The following ASTN2 variants were observed in gnomAD, a reference collection of about 807,000 sequenced individuals.
ASTN2 encodes the protein astrotactin 2.
Under a neutral mutation model 139.8 loss-of-function variants are expected in ASTN2, and 54 were observed. That is an observed-to-expected ratio of 0.39 (90% CI 0.31 to 0.48). The LOEUF (loss-of-function observed/expected upper bound fraction) is 0.48. Ranked by LOEUF, ASTN2 falls within the 20% of genes least tolerant of loss-of-function variation. ASTN2 has a pLI of 0.95. For synonymous variants in ASTN2, 756 were observed against 719.5 expected (o/e 1.05, Z -0.81); for missense variants, 1,565 against 1,725.1 (o/e 0.91, Z 1.64).
intron 10 of ASTN2, among the ~76,000 whole-genome samples, chr9:116,867,122 AGAG>A (rs1468950375): frequency 2.0e-5 from 3 of 152,144 alleles, no homozygotes; most frequent in South Asian, 2.1e-4. Flanking sequence ...AAAGGCAAAT[AGAG>A]GAGAGAAAGG....
chr9:117,191,532 T>A (rs983935385), intron 3 of ASTN2, among the ~76,000 whole-genome samples: 1 of 152,228 alleles, frequency 6.6e-6, no homozygotes, highest in African/African-American at 2.4e-5. Flanking sequence ...AAATAAGGAC[T>A]GATCATACTT....
chr9:116,618,611 T>C lies in ASTN2; in HGVS notation c.3207-139A>G, dbSNP rs945884018. ...TTCCACCCATGATCGCCAACTTGCATGACCGTAGGCAAGTTATTTCCCCTC... is the reference window on the plus strand; with the variant it reads ...TTCCACCCATGATCGCCAACTTGCACGACCGTAGGCAAGTTATTTCCCCTC... On this transcript the variant is annotated intron_variant, in intron 18 of 22. Transcript: ENST00000313400. 3.0e-6 allele frequency: 3 copies of C among 1,008,952 alleles called. No individual in the cohort carries two copies. In the Admixed American group the frequency reaches 9.5e-5, roughly 32 times the overall value. 62.5% of individuals were successfully genotyped at this position (1,008,952 alleles called of 1,614,324 possible).
At chr9:117,268,790 G>A (rs564712406) in intron 2 of ASTN2, among the ~76,000 whole-genome samples, 2 of 152,268 alleles carry the variant, frequency 1.3e-5, no homozygotes, top group African/African-American at 2.4e-5. Context: ...AAGCTGTAAT[G>A]TCTCTGGGGC....
intron 6 of ASTN2, among the ~76,000 whole-genome samples, chr9:117,011,839 G>A (rs973756837): frequency 1.3e-5 from 2 of 152,166 alleles, no homozygotes; most frequent in Non-Finnish European, 2.9e-5. Flanking sequence ...TTCAGCCTTC[G>A]AAGCTGGAAC....
At chr9:117,114,495 T>C (rs1370995434) in intron 4 of ASTN2, among the ~76,000 whole-genome samples, 1 of 152,244 alleles carries the variant, frequency 6.6e-6, no homozygotes, top group Non-Finnish European at 1.5e-5. Flanking sequence ...TGAATTGTTT[T>C]GTATATTCAA....
chr9:117,054,953 T>C (rs182903852), intron 5 of ASTN2, among the ~76,000 whole-genome samples: 8 of 152,302 alleles, frequency 5.3e-5, no homozygotes, highest in African/African-American at 1.9e-4. Flanking sequence ...CCTAGACCCC[T>C]TGCATGCACA....
intron 1 of ASTN2, among the ~76,000 whole-genome samples, chr9:117,297,501 C>T (rs1834765527): frequency 6.6e-6 from 1 of 152,158 alleles, no homozygotes; most frequent in Admixed American, 6.5e-5. Flanking sequence ...GGTTCTGTGC[C>T]AGTCAGGGTC....
chr9:116,830,034 A>T (rs1831760599), intron 11 of ASTN2, among the ~76,000 whole-genome samples: 1 of 152,250 alleles, frequency 6.6e-6, no homozygotes, highest in South Asian at 2.1e-4. Context: ...CTATCAACAG[A>T]GTAAACAGAC....
chr9:116,991,234 A>G (rs1836844571), intron 7 of ASTN2, among the ~76,000 whole-genome samples: 1 of 152,204 alleles, frequency 6.6e-6, no homozygotes, highest in Non-Finnish European at 1.5e-5. Context: ...ACACTGAATC[A>G]AATGCTGCCT....
At chr9:116,738,426 G>A (rs1390402164) in intron 13 of ASTN2, among the ~76,000 whole-genome samples, 2 of 151,832 alleles carry the variant, frequency 1.3e-5, no homozygotes, top group African/African-American at 2.4e-5. Context: ...ATTTGAACTC[G>A]GGAGGCGGAG....
At chr9:117,195,556 T>C (rs1831477128) in intron 3 of ASTN2, among the ~76,000 whole-genome samples, 1 of 151,986 alleles carries the variant, frequency 6.6e-6, no homozygotes. Context: ...TGATGTGGCT[T>C]GAAGAGGAAT....
intron 11 of ASTN2, among the ~76,000 whole-genome samples, chr9:116,826,134 C>T (rs113010462): frequency 0.053 from 8,022 of 152,286 alleles, 662 homozygotes; most frequent in African/African-American, 0.18. Context: ...GAGCTGCACC[C>T]TACCATTGGC....
chr9:117,382,466 T>G (rs1397357474), intron 1 of ASTN2, among the ~76,000 whole-genome samples: 6 of 152,164 alleles, frequency 3.9e-5, no homozygotes, highest in Admixed American at 3.9e-4. Context: ...TCACACTGTT[T>G]AGGACGGGAA....
At chr9:116,594,188 C>T (rs1027015341) in intron 19 of ASTN2, among the ~76,000 whole-genome samples, 16 of 152,316 alleles carry the variant, frequency 1.1e-4, no homozygotes, top group African/African-American at 3.6e-4. Context: ...AGCCTCAATA[C>T]ATCAATAGTA....
At chr9:116,743,673 T>C (rs66682529) in intron 13 of ASTN2, among the ~76,000 whole-genome samples, 47,263 of 152,038 alleles carry the variant, frequency 0.31, 7,768 homozygotes, top group Admixed American at 0.45. Flanking sequence ...ACCGAGCTAA[T>C]TGTATTTTTA....
intron 19 of ASTN2, chr9:116,583,397 T>C (rs1854026302): frequency 6.6e-6 from 1 of 152,214 alleles, no homozygotes; most frequent in African/African-American, 2.4e-5. Flanking sequence ...TTATTACTTA[T>C]GTTCCCAATT....
chr9:116,491,181 G>A (rs951636601), intron 19 of ASTN2, among the ~76,000 whole-genome samples: 5 of 152,160 alleles, frequency 3.3e-5, no homozygotes, highest in African/African-American at 1.2e-4. Context: ...ATTCACAACT[G>A]TATGAATATA....
At chr9:116,761,345 T>C (rs890305552) in intron 13 of ASTN2, among the ~76,000 whole-genome samples, 1 of 152,168 alleles carries the variant, frequency 6.6e-6, no homozygotes, top group Admixed American at 6.5e-5. Context: ...ACCTGCTGTG[T>C]GGTAGGTACT....
chr9:116,616,984 GA>G, intron 19 of ASTN2, among the ~76,000 whole-genome samples: 1 of 152,276 alleles, frequency 6.6e-6, no homozygotes, highest in East Asian at 1.9e-4. Context: ...AACAAAGTTT[GA>G]AAGATGAGGC....
Sources: allele counts gnomAD v4.1 joint callset (sites outside exome capture counted in the v4.1 genomes callset), GRCh38; gene constraint gnomAD v4.1.1; transcripts MANE v1.5; gene names NCBI Gene and HGNC (gene_info 2026-07-23, HGNC 2026-07-21).